GYG2: variants seen among roughly 807,000 people sequenced by gnomAD.
GYG2 encodes the protein glycogenin-2.
In GYG2, 29 loss-of-function variants were observed where a neutral mutation model predicts 29.4. The ratio of observed to expected loss-of-function variants is 0.99; its 90% CI spans 0.74 to 1.35. The LOEUF (loss-of-function observed/expected upper bound fraction) is 1.35. Among genes scored for constraint, GYG2 ranks in the 40% most tolerant of loss-of-function variants. GYG2 has a pLI of 0.00. For synonymous variants in GYG2, 167 were observed against 172.3 expected (o/e 0.97, Z 0.24); for missense variants, 370 against 385.7 (o/e 0.96, Z 0.34).
chrX:2,831,538 C>T (rs767824247), intron 2 of GYG2, among the ~76,000 whole-genome samples: 286 of 111,838 alleles, frequency 2.6e-3, no homozygotes, highest in Non-Finnish European at 4.7e-3. Flanking sequence ...CTGGAAGAGT[C>T]TGTTCCAAGG....
chrX:2,843,414 C>T, intron 3 of GYG2, 60 bp downstream of exon 3: 1 of 929,209 alleles, frequency 1.1e-6, no homozygotes, highest in Non-Finnish European at 1.5e-6. Flanking sequence ...GGTCACCTCT[C>T]CCCTAAGAGG....
intron 2 of GYG2, among the ~76,000 whole-genome samples, chrX:2,830,757 G>T (rs2087245869): frequency 1.8e-5 from 2 of 111,282 alleles, no homozygotes; most frequent in Admixed American, 1.9e-4. Flanking sequence ...CACATCTCTA[G>T]GAAAAAAATT....
At chrX:2,831,657 C>A (rs764239872) in intron 2 of GYG2, among the ~76,000 whole-genome samples, 1 of 111,893 alleles carries the variant, frequency 8.9e-6, no homozygotes, top group African/African-American at 3.3e-5. Context: ...GCATTCAAGA[C>A]GGACATTCGC....
intron 8 of GYG2, among the ~76,000 whole-genome samples, chrX:2,866,739 G>A (rs1407110359): frequency 9.0e-6 from 1 of 111,279 alleles, no homozygotes; most frequent in Admixed American, 9.6e-5. Context: ...TACCCTGACC[G>A]GATCACTGAA....
intron 2 of GYG2, among the ~76,000 whole-genome samples, chrX:2,839,549 A>G (rs1011509829): frequency 2.7e-5 from 3 of 111,588 alleles, no homozygotes; most frequent in Non-Finnish European, 5.6e-5. Flanking sequence ...AATTCCATTT[A>G]CATGAAATAT....
chrX:2,878,732 C>G (rs1045467012), intron 10 of GYG2, among the ~76,000 whole-genome samples: 74 of 111,987 alleles, frequency 6.6e-4, no homozygotes, highest in African/African-American at 2.2e-3. Context: ...TTTGCTAAAC[C>G]GGGGCACTTT....
chrX:2,855,046 G>A lies in GYG2; in HGVS notation c.378G>A (p.Pro126=), dbSNP rs372618531. 14 of 1,209,529 alleles carry A rather than the reference G, an allele frequency of 1.2e-5. No homozygotes were observed. The highest frequency in any genetic ancestry group is 3.5e-5 in the South Asian group (2 of 56,823). Reference sequence around the variant, plus strand: ...ACAGGGGAGAGTTTTCTGCGGCCCCGGACCCCGGATGGCCGGATTGCTTCA... The same window carrying A: ...ACAGGGGAGAGTTTTCTGCGGCCCCAGACCCCGGATGGCCGGATTGCTTCA... ...LFDRGEFSAA[P]DPGWPDCFNS... The change falls in exon 5 of 11, where the codon CCG becomes CCA. Residue 126 remains proline, a synonymous_variant. Coordinates refer to ENST00000398806, the MANE Select transcript of GYG2 (RefSeq NM_001079855.2).
At chrX:2,851,320 A>G (rs962733246) in intron 3 of GYG2, among the ~76,000 whole-genome samples, 1 of 111,581 alleles carries the variant, frequency 9.0e-6, no homozygotes, top group African/African-American at 3.3e-5. Flanking sequence ...ATCTCAGCTC[A>G]TTGCAACCTC....
chrX:2,863,175 C>T (rs1214691681), intron 8 of GYG2, among the ~76,000 whole-genome samples: 3 of 109,242 alleles, frequency 2.7e-5, no homozygotes, highest in African/African-American at 6.6e-5. Flanking sequence ...CCCGGGTTCA[C>T]GCCGTTCTCC....
At chrX:2,840,434 C>G (rs372514376) in intron 2 of GYG2, among the ~76,000 whole-genome samples, 1 of 111,833 alleles carries the variant, frequency 8.9e-6, no homozygotes, top group Non-Finnish European at 1.9e-5. Flanking sequence ...CTGAATGGGT[C>G]CATGACAGCT....
intron 10 of GYG2, among the ~76,000 whole-genome samples, chrX:2,878,424 C>G (rs1045416972): frequency 1.8e-5 from 2 of 111,745 alleles, no homozygotes; most frequent in Non-Finnish European, 3.8e-5. Context: ...GCCACTGCAA[C>G]CAGCTAATTT....
intron 2 of GYG2, among the ~76,000 whole-genome samples, chrX:2,831,387 CAA>C (rs1192097822): frequency 1.8e-5 from 2 of 111,748 alleles, no homozygotes; most frequent in Admixed American, 9.5e-5. Flanking sequence ...TTAAAACACA[CAA>C]ACAGAACAGA....
chrX:2,856,498 G>T lies in GYG2; in HGVS notation c.488G>T (p.Gly163Val), dbSNP rs1484928205. The stretch of plus-strand genomic sequence containing the variant: ...GCTTTTGTGTTTGCTCATTATGTAG[G>T]GGCAGACCAAGGCTTACTGAATAGT... ...QHAMEHGSFD[G>V]ADQGLLNSFF... The change falls in exon 6 of 11, where the codon GGG becomes GTG. Residue 163 changes from glycine to valine, a missense_variant and splice_region_variant. Physicochemically the swap from Gly to Val is moderately radical, Grantham distance 109. Coordinates refer to ENST00000398806, the MANE Select transcript of GYG2 (RefSeq NM_001079855.2). 3 of 1,206,600 alleles carry T rather than the reference G, an allele frequency of 2.5e-6. No individual in the cohort carries two copies.
At chrX:2,877,865 TTAAG>T in intron 10 of GYG2, 1 of 752,911 alleles carries the variant, frequency 1.3e-6, no homozygotes, top group Non-Finnish European at 1.6e-6. Context: ...CATTTGGTCT[TTAAG>T]TAACAATCAA....
chrX:2,842,849 C>G, intron 2 of GYG2: 1 of 234,802 alleles, frequency 4.3e-6, no homozygotes, highest in Admixed American at 6.3e-5. Flanking sequence ...GGGTCTCACT[C>G]TGTCATCCAG....
At chrX:2,833,290 T>C (rs768749598) in intron 2 of GYG2, among the ~76,000 whole-genome samples, 1 of 109,475 alleles carries the variant, frequency 9.1e-6, no homozygotes, top group East Asian at 2.9e-4. Context: ...AGTGCTACTG[T>C]ATTAGGGCCC....
intron 8 of GYG2, among the ~76,000 whole-genome samples, chrX:2,868,543 T>G (rs1304163760): frequency 6.5e-5 from 7 of 107,497 alleles, no homozygotes; most frequent in African/African-American, 2.4e-4. Flanking sequence ...TCTCCCCACC[T>G]CTCCATCCTA....
At chrX:2,879,519 C>T (rs770161663) in intron 10 of GYG2, among the ~76,000 whole-genome samples, 11 of 112,044 alleles carry the variant, frequency 9.8e-5, no homozygotes, top group Admixed American at 2.8e-4. Context: ...CCACCTGCCT[C>T]GGCCTCCCAA....
intron 2 of GYG2, among the ~76,000 whole-genome samples, chrX:2,842,738 C>T (rs1379315812): frequency 4.6e-5 from 3 of 65,374 alleles, no homozygotes; most frequent in Non-Finnish European, 7.2e-5. Context: ...CTTCATACTC[C>T]TCCTGTGTTT....
Sources: allele counts gnomAD v4.1 joint callset (sites outside exome capture counted in the v4.1 genomes callset), GRCh38; gene constraint gnomAD v4.1.1; transcripts MANE v1.5; gene names NCBI Gene and HGNC (gene_info 2026-07-23, HGNC 2026-07-21).